SEZ6L: variants seen among roughly 807,000 people sequenced by gnomAD.
SEZ6L encodes seizure 6-like protein.
Under a neutral mutation model 106.2 loss-of-function variants are expected in SEZ6L, and 37 were observed. That is an observed-to-expected ratio of 0.35 (90% CI 0.27 to 0.46). The LOEUF is 0.46. SEZ6L is among the 20% of genes least tolerant of loss of function. SEZ6L has a pLI of 1.00. For missense variants in SEZ6L, 1,172 were observed against 1,332.8 expected (o/e 0.88, Z 1.88); for synonymous variants, 541 against 570.4 (o/e 0.95, Z 0.73).
intron 1 of SEZ6L, among the ~76,000 whole-genome samples, chr22:26,233,983 C>A (rs1336220983): frequency 1.3e-5 from 2 of 152,144 alleles, no homozygotes; most frequent in East Asian, 3.8e-4. Context: ...GGAAGAAAGG[C>A]AGGAGTGCAG....
chr22:26,180,017 A>G (rs1254983940), intron 1 of SEZ6L, among the ~76,000 whole-genome samples: 1 of 152,224 alleles, frequency 6.6e-6, no homozygotes, highest in African/African-American at 2.4e-5. Flanking sequence ...CATGGCCGCC[A>G]TATTGGACAG....
intron 12 of SEZ6L, among the ~76,000 whole-genome samples, chr22:26,352,505 G>C: frequency 6.6e-6 from 1 of 152,220 alleles, no homozygotes. Flanking sequence ...GAGTAACACT[G>C]TGTACAATTT....
intron 9 of SEZ6L, among the ~76,000 whole-genome samples, chr22:26,326,845 G>C (rs1465662865): frequency 6.6e-6 from 1 of 152,242 alleles, no homozygotes; most frequent in African/African-American, 2.4e-5. Flanking sequence ...GCATGGTCCT[G>C]TGATGGCCGA....
intron 1 of SEZ6L, among the ~76,000 whole-genome samples, chr22:26,212,313 CT>C (rs1171078534): frequency 6.6e-6 from 1 of 152,138 alleles, no homozygotes; most frequent in African/African-American, 2.4e-5. Flanking sequence ...TTTTTATCTT[CT>C]TTCTATGTTG....
intron 9 of SEZ6L, among the ~76,000 whole-genome samples, chr22:26,316,909 G>GAA (rs1414132608): frequency 1.5e-4 from 22 of 149,442 alleles, no homozygotes; most frequent in South Asian, 1.1e-3. Context: ...AAAGAAGAAA[G>GAA]AAAGAAAGAA....
intron 1 of SEZ6L, among the ~76,000 whole-genome samples, chr22:26,246,807 G>C (rs914578138): frequency 6.6e-6 from 1 of 152,126 alleles, no homozygotes; most frequent in African/African-American, 2.4e-5. Flanking sequence ...CTCTTAATTA[G>C]AGCTATTAAT....
At chr22:26,260,785 T>C (rs535223220) in intron 1 of SEZ6L, among the ~76,000 whole-genome samples, 1 of 152,316 alleles carries the variant, frequency 6.6e-6, no homozygotes, top group East Asian at 1.9e-4. Flanking sequence ...GTTCTAGTTT[T>C]AGTTCTTTAA....
chr22:26,175,852 T>C (rs1938960664), intron 1 of SEZ6L, among the ~76,000 whole-genome samples: 1 of 152,210 alleles, frequency 6.6e-6, no homozygotes, highest in Admixed American at 6.5e-5. Flanking sequence ...ATCACAATAA[T>C]CACTACCACA....
At chr22:26,348,545 G>A (rs1356913360) in intron 11 of SEZ6L, among the ~76,000 whole-genome samples, 3 of 68,598 alleles carry the variant, frequency 4.4e-5, no homozygotes, top group Admixed American at 1.8e-4. Flanking sequence ...AAGGAAGGAA[G>A]GAAGGAAGGA....
intron 6 of SEZ6L, among the ~76,000 whole-genome samples, chr22:26,310,117 A>G (rs2081770108): frequency 6.6e-6 from 1 of 152,262 alleles, no homozygotes; most frequent in East Asian, 1.9e-4. Context: ...GGTTTATTAC[A>G]TCATATACAT....
At chr22:26,296,853 A>G in intron 3 of SEZ6L, 35 bp from the exon 4 acceptor site, 1 of 1,511,484 alleles carries the variant, frequency 6.6e-7, no homozygotes, top group Non-Finnish European at 8.9e-7. Context: ...AACACAACTC[A>G]GAGTTCCTCT....
rs1008647349 is a variant in SEZ6L at position 26,382,641 on chromosome 22, A to G, written c.*2346A>G. 1.3e-5 allele frequency: 2 copies of G among 152,280 alleles called. No homozygotes were observed. The highest frequency in any genetic ancestry group is 2.9e-5 in the Non-Finnish European group (2 of 68,086). The allele number at this position is 152,280 out of a possible 1,614,324, so 9.4% of individuals were successfully genotyped here. On this transcript the variant is annotated 3_prime_UTR_variant, in exon 17 of 17. Coordinates refer to ENST00000248933, the MANE Select transcript of SEZ6L (RefSeq NM_021115.5). ...GTTTGTTTTAGCCTAGAGACAGATC[A>G]TACGAGTTCAACAATGTACAGTGTG...
rs1289662241 is a variant in SEZ6L, at chr22:26,315,316, C to CA, written c.2015+1421dup. On this transcript the variant is annotated intron_variant, in intron 9 of 16. Transcript: ENST00000248933. ...ACAACATAGAGGCATCCTGTCTCTT[C>CA]AAAAAAATAAAAATTAGCTGGATGT... Among the ~76,000 whole-genome samples, 7 of 151,820 alleles carry CA rather than the reference C, an allele frequency of 4.6e-5. No individual in the cohort carries two copies. In the South Asian group the frequency reaches 6.3e-4, roughly 14 times the overall value.
intron 13 of SEZ6L, among the ~76,000 whole-genome samples, chr22:26,369,206 A>G (rs1394848452): frequency 6.6e-6 from 1 of 151,884 alleles, no homozygotes; most frequent in Non-Finnish European, 1.5e-5. Context: ...CCCAGGGACC[A>G]GTTTAACTAA....
intron 1 of SEZ6L, among the ~76,000 whole-genome samples, chr22:26,222,579 GA>G (rs140093332): frequency 6.6e-6 from 1 of 151,718 alleles, no homozygotes; most frequent in East Asian, 1.9e-4. Flanking sequence ...TCATTCTGGA[GA>G]AAAAAAACTG....
chr22:26,186,696 A>G (rs2123788397), intron 1 of SEZ6L, among the ~76,000 whole-genome samples: 1 of 152,304 alleles, frequency 6.6e-6, no homozygotes, highest in East Asian at 1.9e-4. Flanking sequence ...TAAAGTGACT[A>G]GCAGGATTCT....
chr22:26,246,648 A>G (rs995106347), intron 1 of SEZ6L, among the ~76,000 whole-genome samples: 1 of 152,236 alleles, frequency 6.6e-6, no homozygotes, highest in Non-Finnish European at 1.5e-5. Flanking sequence ...AATGCAGTCG[A>G]TTAATCCCAC....
chr22:26,240,524 T>A (rs974168577), intron 1 of SEZ6L, among the ~76,000 whole-genome samples: 1 of 152,160 alleles, frequency 6.6e-6, no homozygotes, highest in Non-Finnish European at 1.5e-5. Flanking sequence ...TCCCATCCAG[T>A]CCTGACAGAC....
chr22:26,218,527 C>T (rs545149387), intron 1 of SEZ6L, among the ~76,000 whole-genome samples: 3 of 152,302 alleles, frequency 2.0e-5, no homozygotes, highest in African/African-American at 2.4e-5. Context: ...GTAGGCTGGG[C>T]GTGGTGGCTT....
Sources: allele counts gnomAD v4.1 joint callset (sites outside exome capture counted in the v4.1 genomes callset), GRCh38; gene constraint gnomAD v4.1.1; transcripts MANE v1.5; gene names NCBI Gene and HGNC (gene_info 2026-07-23, HGNC 2026-07-21).